The following RBM20 variants were observed in gnomAD, a reference collection of about 807,000 sequenced individuals.
RBM20 encodes RNA-binding protein 20.
Under a neutral mutation model 110.1 loss-of-function variants are expected in RBM20, and 51 were observed. The ratio of observed to expected loss-of-function variants is 0.46; its 90% confidence interval spans 0.37 to 0.59. The LOEUF (loss-of-function observed/expected upper bound fraction) is 0.59, where lower values mean the gene tolerates loss of function less well. RBM20 is among the 20% of genes least tolerant of loss of function. RBM20 has a pLI of 0.00. For synonymous variants in RBM20, 589 were observed against 618.2 expected (o/e 0.95, Z 0.70); for missense variants, 1,512 against 1,574.9 (o/e 0.96, Z 0.68).
intron 1 of RBM20, among the ~76,000 whole-genome samples, chr10:110,715,681 G>A (rs923822247): frequency 6.6e-6 from 1 of 152,210 alleles, no homozygotes; most frequent in African/African-American, 2.4e-5. Flanking sequence ...GATTCCTCAG[G>A]GACTCAGGAT....
intron 10 of RBM20, among the ~76,000 whole-genome samples, chr10:110,820,588 G>A (rs1844895910): frequency 6.6e-6 from 1 of 152,200 alleles, no homozygotes; most frequent in East Asian, 1.9e-4. Context: ...GCCATCTACT[G>A]TGCTTGTATA....
At chr10:110,803,549 GGT>G (rs1258918832) in intron 7 of RBM20, among the ~76,000 whole-genome samples, 1 of 152,082 alleles carries the variant, frequency 6.6e-6, no homozygotes, top group South Asian at 2.1e-4. Flanking sequence ...TGCTGCTGGT[GGT>G]CCTCGGAGAA....
intron 5 of RBM20, among the ~76,000 whole-genome samples, chr10:110,788,222 T>C (rs938305347): frequency 1.3e-5 from 2 of 152,066 alleles, no homozygotes; most frequent in African/African-American, 4.8e-5. Context: ...CCTCCCCCTC[T>C]CCCTACCCCA....
At chr10:110,697,258 G>C (rs989924425) in intron 1 of RBM20, among the ~76,000 whole-genome samples, 1 of 151,540 alleles carries the variant, frequency 6.6e-6, no homozygotes, top group Admixed American at 6.6e-5. Flanking sequence ...CCGTCCCCCT[G>C]AAGATGGGTG....
intron 1 of RBM20, among the ~76,000 whole-genome samples, chr10:110,731,010 C>T (rs1169351443): frequency 6.6e-6 from 1 of 152,238 alleles, no homozygotes; most frequent in African/African-American, 2.4e-5. Flanking sequence ...CATTGTGTAA[C>T]TTATATGCTT....
intron 7 of RBM20, among the ~76,000 whole-genome samples, chr10:110,809,942 T>G (rs1844743425): frequency 6.6e-6 from 1 of 152,232 alleles, no homozygotes; most frequent in Non-Finnish European, 1.5e-5. Flanking sequence ...CCTCTCTGGC[T>G]CTAAGTTTCC....
intron 5 of RBM20, among the ~76,000 whole-genome samples, chr10:110,796,756 A>T (rs1284032727): frequency 2.0e-5 from 3 of 151,974 alleles, no homozygotes; most frequent in Non-Finnish European, 4.4e-5. Flanking sequence ...CTGACTTCTT[A>T]AAAAAAATTA....
intron 1 of RBM20, among the ~76,000 whole-genome samples, chr10:110,668,344 G>A (rs1017157935): frequency 1.3e-5 from 2 of 152,146 alleles, no homozygotes; most frequent in African/African-American, 4.8e-5. Flanking sequence ...ACTTTGGAAG[G>A]TTAAGGTGCA....
chr10:110,705,466 G>C (rs915603686), intron 1 of RBM20, among the ~76,000 whole-genome samples: 1 of 152,126 alleles, frequency 6.6e-6, no homozygotes, highest in Non-Finnish European at 1.5e-5. Context: ...CCAGTGAATC[G>C]ATAATACTGC....
At chr10:110,753,527 A>G (rs1187408510) in intron 1 of RBM20, among the ~76,000 whole-genome samples, 2 of 152,052 alleles carry the variant, frequency 1.3e-5, no homozygotes, top group African/African-American at 4.8e-5. Context: ...CTGAAATGTA[A>G]TCTTTAGAAT....
At chr10:110,764,627 G>C (rs540148036) in intron 1 of RBM20, among the ~76,000 whole-genome samples, 1 of 152,092 alleles carries the variant, frequency 6.6e-6, no homozygotes, top group Non-Finnish European at 1.5e-5. Context: ...TCCCTCCCTC[G>C]CTTGCATACC....
At chr10:110,767,989 A>G (rs1256026901) in intron 1 of RBM20, among the ~76,000 whole-genome samples, 2 of 152,274 alleles carry the variant, frequency 1.3e-5, no homozygotes, top group Non-Finnish European at 2.9e-5. Context: ...GCACCTCGGT[A>G]GGCCGAGGCT....
intron 5 of RBM20, among the ~76,000 whole-genome samples, chr10:110,794,474 A>G (rs1844525553): frequency 1.3e-5 from 2 of 152,254 alleles, no homozygotes; most frequent in African/African-American, 4.8e-5. Context: ...TGGCTCACTT[A>G]GAAAATAATC....
chr10:110,662,743 A>G (rs1364064825), intron 1 of RBM20, among the ~76,000 whole-genome samples: 1 of 152,214 alleles, frequency 6.6e-6, no homozygotes, highest in Non-Finnish European at 1.5e-5. Context: ...TGCAATAGCA[A>G]AAGACTGGAG....
intron 7 of RBM20, among the ~76,000 whole-genome samples, chr10:110,801,020 CA>C: frequency 6.6e-6 from 1 of 152,300 alleles, no homozygotes; most frequent in Non-Finnish European, 1.5e-5. Flanking sequence ...GAGGTACATA[CA>C]TAACTAAGAT....
At chr10:110,758,485 A>G (rs1415968638) in intron 1 of RBM20, among the ~76,000 whole-genome samples, 1 of 152,192 alleles carries the variant, frequency 6.6e-6, no homozygotes, top group Non-Finnish European at 1.5e-5. Context: ...AAATCCAGTA[A>G]TAGGATGAGA....
chr10:110,814,377 C>T (rs183151804), intron 9 of RBM20, among the ~76,000 whole-genome samples: 4 of 143,308 alleles, frequency 2.8e-5, no homozygotes, highest in East Asian at 1.9e-4. Flanking sequence ...GCATTTACAG[C>T]GGATGAGCTG....
intron 5 of RBM20, among the ~76,000 whole-genome samples, chr10:110,786,178 G>A (rs1844416655): frequency 1.3e-5 from 2 of 152,192 alleles, no homozygotes; most frequent in South Asian, 4.1e-4. Flanking sequence ...GGAGTGGGAG[G>A]AAAACTGACT....
intron 1 of RBM20, among the ~76,000 whole-genome samples, chr10:110,665,769 A>T (rs191645818): frequency 6.6e-6 from 1 of 152,184 alleles, no homozygotes; most frequent in East Asian, 1.9e-4. Flanking sequence ...ATTAAAAAGA[A>T]TATTATTTAT....
Sources: gnomAD v4.1 joint callset for allele counts (sites outside exome capture counted in the v4.1 genomes callset) on GRCh38, gnomAD v4.1.1 for gene constraint, MANE v1.5 for transcripts, NCBI Gene and HGNC (gene_info 2026-07-23, HGNC 2026-07-21) for gene names.